STOX2: variants seen among roughly 807,000 people sequenced by gnomAD.
STOX2 encodes storkhead-box protein 2.
In STOX2, 28 loss-of-function variants were observed where a neutral mutation model predicts 60.9. The ratio of observed to expected loss-of-function variants is 0.46; its 90% CI spans 0.34 to 0.63. The LOEUF (loss-of-function observed/expected upper bound fraction) is 0.63. STOX2 is among the 30% of genes least tolerant of loss of function. The probability of loss-of-function intolerance (pLI) is 0.01; values close to 1 mark genes in which losing one functional copy is unlikely to be tolerated. For synonymous variants in STOX2, 472 were observed against 463.9 expected (o/e 1.02, Z -0.22); for missense variants, 1,024 against 1,187.7 (o/e 0.86, Z 2.03).
At chr4:183,871,126 C>G (rs1292935862) in intron 1 of STOX2, among the ~76,000 whole-genome samples, 1 of 152,194 alleles carries the variant, frequency 6.6e-6, no homozygotes, top group Non-Finnish European at 1.5e-5. Flanking sequence ...CTGGCTGGAT[C>G]TAACAGGGAG....
chr4:183,809,334 C>T (rs533708796), intron 1 of STOX2, among the ~76,000 whole-genome samples: 11 of 152,308 alleles, frequency 7.2e-5, no homozygotes, highest in African/African-American at 2.2e-4. Context: ...GTGATCCTCT[C>T]GCCTTGGCCT....
At chr4:184,005,457 CAA>C (rs60307441) in intron 2 of STOX2, among the ~76,000 whole-genome samples, 7,178 of 59,220 alleles carry the variant, frequency 0.12, 644 homozygotes, top group African/African-American at 0.28. Context: ...GACGATATCT[CAA>C]AAAAAAAAAA....
intron 1 of STOX2, among the ~76,000 whole-genome samples, chr4:183,818,911 G>A (rs1739228022): frequency 6.6e-6 from 1 of 152,100 alleles, no homozygotes; most frequent in Non-Finnish European, 1.5e-5. Flanking sequence ...TAGATGGGAT[G>A]GCGGCCGGGA....
Position 184,022,637 on chromosome 4 carries a change from A to T in STOX2, c.*5353A>T, listed in dbSNP as rs1367775257. 1 of 152,108 alleles carries T rather than the reference A, an allele frequency of 6.6e-6. No homozygotes were observed. Among genetic ancestry groups the T allele is most frequent in the Admixed American group, 6.5e-5 (1 of 15,274 alleles). 9.4% of individuals were successfully genotyped at this position (152,108 alleles called of 1,614,324 possible). Reference sequence around the variant, plus strand: ...TAAGGTTAGAAGCTTGGCTGGTCTTAGTAAACTTGTTCCCTTGCTCCCACC... The same window carrying T: ...TAAGGTTAGAAGCTTGGCTGGTCTTTGTAAACTTGTTCCCTTGCTCCCACC... On this transcript the variant is annotated 3_prime_UTR_variant, in exon 4 of 4. Transcript: ENST00000308497.
At chr4:183,845,211 G>C (rs748962171) in intron 1 of STOX2, among the ~76,000 whole-genome samples, 2 of 152,166 alleles carry the variant, frequency 1.3e-5, no homozygotes, top group East Asian at 3.8e-4. Context: ...CGGAGAGATG[G>C]CTTCTGGGTA....
chr4:183,815,915 T>C (rs1739143655), intron 1 of STOX2, among the ~76,000 whole-genome samples: 1 of 152,260 alleles, frequency 6.6e-6, no homozygotes. Context: ...CACTTATTTT[T>C]ATATTATTGA....
chr4:183,989,584 A>G (rs1435145241), intron 1 of STOX2, among the ~76,000 whole-genome samples: 1 of 152,198 alleles, frequency 6.6e-6, no homozygotes, highest in Non-Finnish European at 1.5e-5. Context: ...GCAATGCACT[A>G]AAATCCAAGA....
chr4:183,932,492 A>G (rs559777937), intron 1 of STOX2, among the ~76,000 whole-genome samples: 1 of 137,108 alleles, frequency 7.3e-6, no homozygotes, highest in South Asian at 2.4e-4. Flanking sequence ...CAGTATATGT[A>G]TGTATCAGTA....
intron 1 of STOX2, among the ~76,000 whole-genome samples, chr4:183,844,463 T>G (rs1739940852): frequency 6.6e-6 from 1 of 152,230 alleles, no homozygotes; most frequent in African/African-American, 2.4e-5. Flanking sequence ...GGTATTGTTT[T>G]GCTTTACTAA....
At chr4:183,801,416 C>T (rs753373079) in intron 1 of STOX2, among the ~76,000 whole-genome samples, 7 of 152,204 alleles carry the variant, frequency 4.6e-5, no homozygotes, top group South Asian at 4.1e-4. Flanking sequence ...TGCTTTCTAG[C>T]GCCAGCCTCT....
chr4:183,894,732 T>C (rs62340447), intron 1 of STOX2, among the ~76,000 whole-genome samples: 6,619 of 152,284 alleles, frequency 0.043, 173 homozygotes, highest in South Asian at 0.091. Flanking sequence ...TGGTTTTTCA[T>C]TGGCTTGGGA....
At chr4:183,921,174 A>T (rs996587154) in intron 1 of STOX2, among the ~76,000 whole-genome samples, 1 of 152,238 alleles carries the variant, frequency 6.6e-6, no homozygotes, top group African/African-American at 2.4e-5. Context: ...TAGGATCCAA[A>T]TAATTGAACA....
intron 1 of STOX2, among the ~76,000 whole-genome samples, chr4:183,817,201 A>G (rs1739173700): frequency 6.6e-6 from 1 of 152,204 alleles, no homozygotes; most frequent in Non-Finnish European, 1.5e-5. Flanking sequence ...CCCTCCAACT[A>G]TTTTGGGGGC....
chr4:183,883,435 A>T (rs3932842), intron 1 of STOX2, among the ~76,000 whole-genome samples: 147,934 of 151,832 alleles, frequency 0.97, 72,177 homozygotes, highest in East Asian at 1. Flanking sequence ...TTCTCCTGCC[A>T]CGGCCTCCCG....
chr4:183,901,033 C>T (rs1392422889), upstream of STOX2, among the ~76,000 whole-genome samples: 1 of 152,120 alleles, frequency 6.6e-6, no homozygotes, highest in Non-Finnish European at 1.5e-5. Context: ...AACTCTCTAC[C>T]AATTAAACAA....
At chr4:183,807,943 C>T (rs770330830) in intron 1 of STOX2, among the ~76,000 whole-genome samples, 32 of 152,212 alleles carry the variant, frequency 2.1e-4, no homozygotes, top group Non-Finnish European at 4.3e-4. Flanking sequence ...CCCAACAGGC[C>T]TGCGGGGCGG....
chr4:183,831,141 G>A (rs972562820), intron 1 of STOX2, among the ~76,000 whole-genome samples: 1 of 151,904 alleles, frequency 6.6e-6, no homozygotes, highest in African/African-American at 2.4e-5. Context: ...GGGGGATGGT[G>A]GGGGGATGGA....
At chr4:183,891,359 TATATATATATATATATATATATA>T (rs1206496293) in intron 1 of STOX2, among the ~76,000 whole-genome samples, 1 of 662 alleles carries the variant, frequency 1.5e-3, no homozygotes, top group African/African-American at 4.2e-3. Flanking sequence ...TGATGGAATT[TATATATATATATATATATATATA>T]TATATATATA....
At chr4:183,862,958 G>A (rs947591858) in intron 1 of STOX2, among the ~76,000 whole-genome samples, 1 of 152,132 alleles carries the variant, frequency 6.6e-6, no homozygotes, top group African/African-American at 2.4e-5. Context: ...CCTAAGGCTT[G>A]TTGCAGAACT....
Sources: gnomAD v4.1 joint callset for allele counts (sites outside exome capture counted in the v4.1 genomes callset) on GRCh38, gnomAD v4.1.1 for gene constraint, MANE v1.5 for transcripts, NCBI Gene and HGNC (gene_info 2026-07-23, HGNC 2026-07-21) for gene names.